Variants in CNTNAP2 observed in about 807,000 individuals in gnomAD.
CNTNAP2 encodes the protein contactin-associated protein-like 2.
A neutral mutation model predicts 155.2 loss-of-function variants in CNTNAP2; 98 were observed. The ratio of observed to expected loss-of-function variants is 0.63; its 90% CI spans 0.54 to 0.75. CNTNAP2 has a LOEUF of 0.75. Among genes scored for constraint, CNTNAP2 ranks in the 30% least tolerant of loss-of-function variants. The pLI is 0.00. For missense variants in CNTNAP2, 1,727 were observed against 1,688.1 expected (o/e 1.02, Z -0.40); for synonymous variants, 651 against 631.2 (o/e 1.03, Z -0.47).
chr7:147,010,702 G>A (rs976118143), intron 3 of CNTNAP2, among the ~76,000 whole-genome samples: 2 of 152,080 alleles, frequency 1.3e-5, no homozygotes, highest in African/African-American at 4.8e-5. Context: ...AGAAGAGAAA[G>A]CTTTTTCTTG....
intron 3 of CNTNAP2, among the ~76,000 whole-genome samples, chr7:147,004,212 CAAAAAAAA>C (rs71525979): frequency 4.1e-5 from 4 of 97,734 alleles, no homozygotes; most frequent in Non-Finnish European, 6.5e-5. Context: ...ACTCATATAC[CAAAAAAAA>C]AAAAAAAGAA....
chr7:146,411,378 G>A (rs892557152), intron 1 of CNTNAP2, among the ~76,000 whole-genome samples: 5 of 151,884 alleles, frequency 3.3e-5, no homozygotes, highest in African/African-American at 9.7e-5. Flanking sequence ...GGTTGGTCTC[G>A]AACTCCTGAC....
intron 1 of CNTNAP2, among the ~76,000 whole-genome samples, chr7:146,361,591 C>G (rs761434774): frequency 9.2e-5 from 14 of 152,124 alleles, no homozygotes; most frequent in Non-Finnish European, 1.2e-4. Flanking sequence ...CTAAATGGTA[C>G]CCCACAGCTT....
intron 3 of CNTNAP2, among the ~76,000 whole-genome samples, chr7:146,855,064 T>C (rs978798259): frequency 1.2e-4 from 18 of 152,080 alleles, no homozygotes; most frequent in African/African-American, 3.9e-4. Flanking sequence ...AAACAAAATA[T>C]ATAAAATTGT....
intron 13 of CNTNAP2, among the ~76,000 whole-genome samples, chr7:147,684,137 A>G (rs1331384306): frequency 1.3e-5 from 2 of 151,848 alleles, no homozygotes; most frequent in African/African-American, 4.8e-5. Context: ...AGAACATGAC[A>G]GATACAATTT....
intron 1 of CNTNAP2, among the ~76,000 whole-genome samples, chr7:146,478,714 G>A (rs1563099702): frequency 6.6e-6 from 1 of 151,800 alleles, no homozygotes; most frequent in South Asian, 2.1e-4. Flanking sequence ...ACACAGGAAG[G>A]CATGCATGCA....
At chr7:147,029,044 AG>A (rs1317258478) in intron 3 of CNTNAP2, among the ~76,000 whole-genome samples, 1 of 147,788 alleles carries the variant, frequency 6.8e-6, no homozygotes, top group African/African-American at 2.6e-5. Flanking sequence ...GCTCACTGCA[AG>A]CTCCGCCTCT....
At chr7:147,138,593 T>A (rs1409748594) in intron 8 of CNTNAP2, among the ~76,000 whole-genome samples, 1 of 151,932 alleles carries the variant, frequency 6.6e-6, no homozygotes, top group South Asian at 2.1e-4. Flanking sequence ...CTGCAGTGAA[T>A]GCTGGTGCAC....
At chr7:146,572,424 A>T (rs560551208) in intron 1 of CNTNAP2, among the ~76,000 whole-genome samples, 38 of 151,962 alleles carry the variant, frequency 2.5e-4, no homozygotes, top group Non-Finnish European at 4.6e-4. Context: ...TGGATAAACT[A>T]TTTACTTCCT....
chr7:147,819,634 A>G (rs1332094963), intron 13 of CNTNAP2, among the ~76,000 whole-genome samples: 4 of 152,180 alleles, frequency 2.6e-5, no homozygotes, highest in Non-Finnish European at 4.4e-5. Context: ...TGTATCCCAC[A>G]CCCATCAAGA....
chr7:147,760,245 GA>G (rs111368759), intron 13 of CNTNAP2, among the ~76,000 whole-genome samples: 139 of 130,618 alleles, frequency 1.1e-3, no homozygotes, highest in Middle Eastern at 4.4e-3. Context: ...AGCTTCACGG[GA>G]AAAAAAAAAA....
At chr7:148,285,961 G>T (rs923763389) in intron 21 of CNTNAP2, among the ~76,000 whole-genome samples, 1 of 152,142 alleles carries the variant, frequency 6.6e-6, no homozygotes. Context: ...GACATATTTT[G>T]TATATGTATT....
intron 15 of CNTNAP2, among the ~76,000 whole-genome samples, chr7:148,067,463 C>G (rs143052107): frequency 2.6e-5 from 4 of 152,356 alleles, no homozygotes; most frequent in African/African-American, 9.6e-5. Flanking sequence ...GTCTTCAGGT[C>G]TCTCAGCCAT....
At chr7:147,979,463 TAC>T (rs1801485581) in intron 15 of CNTNAP2, among the ~76,000 whole-genome samples, 1 of 152,246 alleles carries the variant, frequency 6.6e-6, no homozygotes, top group Non-Finnish European at 1.5e-5. Context: ...ATGGAATAAT[TAC>T]TCATTAGCAT....
At chr7:147,483,719 A>T (rs879360175) in intron 10 of CNTNAP2, among the ~76,000 whole-genome samples, 1 of 152,190 alleles carries the variant, frequency 6.6e-6, no homozygotes. Flanking sequence ...AGTATCAAGG[A>T]TGTTTTAGTT....
intron 18 of CNTNAP2, among the ~76,000 whole-genome samples, chr7:148,189,227 T>G (rs1795165931): frequency 6.6e-6 from 1 of 152,188 alleles, no homozygotes; most frequent in Admixed American, 6.5e-5. Context: ...AATGGTAACC[T>G]ATTTGCCTTT....
At chr7:148,380,442 A>AAAT (rs1411483937) in intron 21 of CNTNAP2, among the ~76,000 whole-genome samples, 2 of 152,214 alleles carry the variant, frequency 1.3e-5, no homozygotes, top group East Asian at 3.8e-4. Context: ...TTTGAAAATC[A>AAAT]AATTGTTGGC....
chr7:146,125,267 A>G (rs1334238827), intron 1 of CNTNAP2, among the ~76,000 whole-genome samples: 1 of 152,196 alleles, frequency 6.6e-6, no homozygotes, highest in Non-Finnish European at 1.5e-5. Context: ...TTGTATGTCC[A>G]CAGTACAGAA....
intron 14 of CNTNAP2, among the ~76,000 whole-genome samples, chr7:147,971,279 A>T (rs1801330132): frequency 6.6e-6 from 1 of 152,174 alleles, no homozygotes; most frequent in South Asian, 2.1e-4. Flanking sequence ...TTTTTTTAAT[A>T]ACCTCATTGA....
Sources: allele counts gnomAD v4.1 joint callset (sites outside exome capture counted in the v4.1 genomes callset), GRCh38; gene constraint gnomAD v4.1.1; transcripts MANE v1.5; gene names NCBI Gene and HGNC (gene_info 2026-07-23, HGNC 2026-07-21).